Variants in NCAPG2 observed in about 807,000 individuals in gnomAD.
The protein encoded by NCAPG2 is condensin-2 complex subunit G2.
A neutral mutation model predicts 141.1 loss-of-function variants in NCAPG2; 53 were observed. The observed-to-expected ratio is 0.38, with a 90% confidence interval of 0.30 to 0.47. The LOEUF (loss-of-function observed/expected upper bound fraction) is 0.47. NCAPG2 is among the 20% of genes least tolerant of loss of function. NCAPG2 has a pLI of 0.99. For missense variants in NCAPG2, 1,087 were observed against 1,389.0 expected, an observed-to-expected ratio of 0.78 and a Z score of 3.46; for synonymous variants, 499 against 490.7, an observed-to-expected ratio of 1.02 and a Z score of -0.22.
At chr7:158,652,963 C>T (rs576469660) in intron 22 of NCAPG2, among the ~76,000 whole-genome samples, 13 of 152,174 alleles carry the variant, frequency 8.5e-5, no homozygotes, top group South Asian at 2.1e-4. Context: ...TTGGTCCTTA[C>T]GGGAAAATAA....
In NCAPG2 at chr7:158,655,155, AG is replaced by A; in HGVS notation, c.2608del (p.Leu870Ter). On this transcript the variant is annotated frameshift_variant, in exon 21 of 28. Transcript: ENST00000356309. LOFTEE classifies it high-confidence loss of function. ...SFIQDQEEDY[L>X]KLHRVIYQQI... ...CTGATAAATGACCCTATGAAGCTTC[AG>A]GTAGTCTTCTTCTTGATCTTGAATA... 1 of 1,613,970 alleles carries A rather than the reference AG, an allele frequency of 6.2e-7. No homozygotes were observed. Among genetic ancestry groups the A allele is most frequent in the Non-Finnish European group, 8.5e-7 (1 of 1,180,008 alleles).
intron 2 of NCAPG2, 151 bp from the exon 3 acceptor site, chr7:158,693,648 A>C (rs1835266243): frequency 3.0e-6 from 2 of 663,478 alleles, no homozygotes; most frequent in Admixed American, 3.4e-5. Flanking sequence ...AAAAGGGAAG[A>C]AGCACAGGGA....
In NCAPG2 at chr7:158,656,350, A is replaced by T; in HGVS notation, c.2298T>A (p.Tyr766Ter). 1 of 1,614,184 alleles carries T rather than the reference A, an allele frequency of 6.2e-7. No homozygotes were observed. Among genetic ancestry groups the T allele is most frequent in the Non-Finnish European group, 8.5e-7 (1 of 1,180,032 alleles). ...KPELALVYIE[Y>*]LLTHPKNREC... ...CGCGGTTCTTTGGATGAGTCAGCAG[A>T]TACTCAATGTAGACCAATGCCAATT... The change falls in exon 19 of 28, where the codon TAT (tyrosine) becomes TAA (stop). Residue 766 changes from tyrosine to a stop codon, truncating the protein, a stop_gained. Transcript: ENST00000356309. LOFTEE classifies it high-confidence loss of function.
intron 13 of NCAPG2, among the ~76,000 whole-genome samples, chr7:158,669,768 CAAAAAAAAAAAAAAA>C (rs567875836): frequency 1.9e-5 from 1 of 53,672 alleles, no homozygotes; most frequent in African/African-American, 7.5e-5. Flanking sequence ...GACTCTGTCT[CAAAAAAAAAAAAAAA>C]AAAAAAAAAA....
At chr7:158,669,756 G>A (rs572934588) in intron 13 of NCAPG2, among the ~76,000 whole-genome samples, 14 of 108,166 alleles carry the variant, frequency 1.3e-4, no homozygotes, top group East Asian at 9.1e-4. Context: ...GTGACAGAGC[G>A]AGACTCTGTC....
rs541156722 is a variant in NCAPG2, at chr7:158,662,466, G to A, written c.1816-99C>T. ...TAGAGCTCTAAAGCAAAAATGTAGA[G>A]AACATCCGTCTTACTTTCACGTCTT... On this transcript the variant is annotated intron_variant, in intron 15 of 27. Transcript: ENST00000356309. The A allele has an allele frequency of 2.4e-3, 2,610 of 1,079,362 alleles. 5 individuals carry two copies. The highest frequency in any genetic ancestry group is 3.1e-3 in the Non-Finnish European group (2,394 of 781,894). The allele number at this position is 1,079,362 out of a possible 1,614,324, so 66.9% of individuals were successfully genotyped here.
chr7:158,640,788 A>C (rs1830588048), intron 27 of NCAPG2: 1 of 152,196 alleles, frequency 6.6e-6, no homozygotes. Context: ...TCAAAGAAGG[A>C]GTAAGTGAAG....
In NCAPG2 at chr7:158,656,251, CAG is replaced by C. The variant is rs1480357828; in HGVS notation, c.2388+7_2388+8del. The C allele has an allele frequency of 1.2e-6, 2 of 1,613,054 alleles. No homozygotes were observed. The highest frequency in any genetic ancestry group is 1.7e-6 in the Non-Finnish European group (2 of 1,179,474). On this transcript the variant is annotated splice_region_variant and intron_variant, in intron 19 of 27. Transcript: ENST00000356309. Reference sequence around the variant, plus strand: ...AGGAAACCACTCAACTCTCAGGGCACAGAGTTACCTTTGACGTTTCAAGGGCT... The same window carrying C: ...AGGAAACCACTCAACTCTCAGGGCACAGTTACCTTTGACGTTTCAAGGGCT...
chr7:158,675,679 G>C (rs771621749), intron 11 of NCAPG2, 23 bp from the exon 12 acceptor site: 1 of 1,595,892 alleles, frequency 6.3e-7, no homozygotes, highest in Middle Eastern at 1.7e-4. Flanking sequence ...GGGGAGAAAG[G>C]CTTAAAAACC....
At chr7:158,667,247 T>C (rs1164885727) in intron 13 of NCAPG2, 2 of 984,180 alleles carry the variant, frequency 2.0e-6, no homozygotes, top group Non-Finnish European at 2.4e-6. Context: ...AACTTCCTGG[T>C]GGGCCAGAGA....
chr7:158,685,706 G>A (rs992118984), intron 8 of NCAPG2, among the ~76,000 whole-genome samples: 3 of 152,038 alleles, frequency 2.0e-5, no homozygotes, highest in South Asian at 2.1e-4. Flanking sequence ...AAATATTTTC[G>A]ATCCTTGGTT....
chr7:158,652,449 A>G lies in NCAPG2; in HGVS notation c.2778T>C (p.Leu926=), dbSNP rs758342538. The G allele has an allele frequency of 1.2e-5, 19 of 1,607,390 alleles. No homozygotes were observed. The highest frequency in any genetic ancestry group is 1.6e-5 in the Non-Finnish European group (19 of 1,178,076). The part of the protein sequence containing the change: ...VKGFFYVSLL[L]DILKEITGSS... ...TTCCAGTTATCTCTTTCAGAATGTC[A>G]AGAAGTAATGAAACATAAAAAAATC... The change falls in exon 23 of 28, where the codon CTT becomes CTC. Residue 926 remains leucine, a synonymous_variant. Coordinates refer to ENST00000356309, the MANE Select transcript of NCAPG2 (RefSeq NM_017760.7).
intron 23 of NCAPG2, among the ~76,000 whole-genome samples, chr7:158,651,443 T>C (rs754692104): frequency 2.0e-5 from 3 of 152,092 alleles, no homozygotes; most frequent in Non-Finnish European, 2.9e-5. Context: ...TGAACTAGAC[T>C]AGAAAAAGTA....
intron 5 of NCAPG2, among the ~76,000 whole-genome samples, chr7:158,690,184 C>T (rs1324356705): frequency 4.6e-5 from 7 of 152,190 alleles, no homozygotes; most frequent in Non-Finnish European, 7.3e-5. Flanking sequence ...AGTTTAAGAA[C>T]TTCCTCGATG....
rs532898256 is a variant in NCAPG2 at position 158,664,404 on chromosome 7, G to A, written c.1703-108C>T. On this transcript the variant is annotated intron_variant, in intron 14 of 27. Transcript: ENST00000356309. ...ATTAGTCAAAAGTACTATTTTAAGG[G>A]AAATCATTCAGAAATGCATTAAAGT... 167 of 1,484,264 alleles carry A rather than the reference G, an allele frequency of 1.1e-4. 1 individual carries two copies. In the East Asian group the frequency reaches 2.4e-3, roughly 21 times the overall value. 91.9% of individuals were successfully genotyped at this position (1,484,264 alleles called of 1,614,324 possible).
intron 19 of NCAPG2, among the ~76,000 whole-genome samples, chr7:158,655,744 C>CCTGCACGCAGCACCAGCCG (rs1554554678): frequency 6.6e-6 from 1 of 151,532 alleles, no homozygotes; most frequent in Non-Finnish European, 1.5e-5. Flanking sequence ...CCCCATCTGC[C>CCTGCACGCAGCACCAGCCG]TGGCTCCACT....
At chr7:158,688,206 A>T (rs1834896748) in intron 6 of NCAPG2, among the ~76,000 whole-genome samples, 1 of 152,194 alleles carries the variant, frequency 6.6e-6, no homozygotes, top group African/African-American at 2.4e-5. Flanking sequence ...ATTCACTGGA[A>T]GTAATCTGTT....
intron 27 of NCAPG2, chr7:158,640,179 G>A (rs1358078331): frequency 3.3e-5 from 5 of 152,062 alleles, no homozygotes; most frequent in Admixed American, 3.3e-4. Flanking sequence ...ATCTACTGAG[G>A]AGCAAAAAAG....
rs1368484584 is a variant in NCAPG2 at position 158,664,538 on chromosome 7, G to T, written c.1692C>A (p.Cys564Ter). ...FYQYAHEHTA[C>*]TNIAKLIHVI... ...AACAGCACTCCCTACCTATGTTGGTGCAGGCGGTGTGTTCGTGGGCGTACT... is the reference window on the plus strand; with the variant it reads ...AACAGCACTCCCTACCTATGTTGGTTCAGGCGGTGTGTTCGTGGGCGTACT... Residue 564 changes from cysteine to a stop codon, truncating the protein, a stop_gained, in exon 14 of 28, where the codon TGC (cysteine) becomes TGA (stop). Coordinates refer to ENST00000356309, the MANE Select transcript of NCAPG2 (RefSeq NM_017760.7). LOFTEE classifies it high-confidence loss of function. 6.2e-7 allele frequency: 1 copy of T among 1,613,938 alleles called. No homozygotes were observed. The highest frequency in any genetic ancestry group is 8.5e-7 in the Non-Finnish European group (1 of 1,179,988).
Sources: gnomAD v4.1 joint callset for allele counts (sites outside exome capture counted in the v4.1 genomes callset) on GRCh38, gnomAD v4.1.1 for gene constraint, MANE v1.5 for transcripts, NCBI Gene and HGNC (gene_info 2026-07-23, HGNC 2026-07-21) for gene names.